The following PCDHA1 variants were observed in gnomAD, a reference collection of about 807,000 sequenced individuals.
PCDHA1 encodes the protein protocadherin alpha-1.
Under a neutral mutation model 61.3 loss-of-function variants are expected in PCDHA1, and 42 were observed. The observed-to-expected ratio is 0.69, with a 90% CI of 0.54 to 0.89. The LOEUF is 0.89. Ranked by LOEUF, PCDHA1 falls within the 40% of genes least tolerant of loss-of-function variation. The pLI is 0.00. For missense variants in PCDHA1, 1,256 were observed against 1,235.3 expected (o/e 1.02, Z -0.25); for synonymous variants, 610 against 553.8 (o/e 1.10, Z -1.43).
chr5:141,005,333 A>T (rs1554260005), intron 3 of PCDHA1, among the ~76,000 whole-genome samples: 1 of 152,224 alleles, frequency 6.6e-6, no homozygotes, highest in Non-Finnish European at 1.5e-5. Flanking sequence ...TAATAGGCCA[A>T]GGGGGTGCTG....
intron 1 of PCDHA1, among the ~76,000 whole-genome samples, chr5:140,906,185 A>G (rs574875890): frequency 2.8e-4 from 43 of 152,270 alleles, no homozygotes; most frequent in African/African-American, 1.0e-3. Flanking sequence ...GCATCCTTCA[A>G]TCCAATCAAG....
chr5:140,808,489 G>C (rs782060107), intron 1 of PCDHA1: 11 of 1,614,040 alleles, frequency 6.8e-6, no homozygotes, highest in Non-Finnish European at 9.3e-6. Flanking sequence ...GCTCGCCTTC[G>C]CTGTGGGCCA....
Position 140,787,570 on chromosome 5 carries a change from C to T in PCDHA1, c.1280C>T (p.Ala427Val). ...SLSVYELVVT[A>V]RDGGSPSLWA... ...TCGGTCTATGAGCTGGTGGTGACCG[C>T]GCGGGACGGGGGCTCGCCTTCGCTG... The change falls in exon 1 of 4, where the codon GCG becomes GTG. Residue 427 changes from alanine (A) to valine (V), a missense_variant. Coordinates refer to ENST00000504120, the MANE Select transcript of PCDHA1 (RefSeq NM_018900.4). 1 of 1,614,192 alleles carries T rather than the reference C, an allele frequency of 6.2e-7. No homozygotes were observed. Among genetic ancestry groups the T allele is most frequent in the African/African-American group, 1.3e-5 (1 of 75,064 alleles).
chr5:140,821,827 C>T (rs1458334239), intron 1 of PCDHA1: 7 of 1,614,136 alleles, frequency 4.3e-6, no homozygotes, highest in Non-Finnish European at 5.9e-6. Flanking sequence ...GCTGCTCTGG[C>T]TTCTCCTTGC....
intron 1 of PCDHA1, chr5:140,850,632 C>G: frequency 6.3e-7 from 1 of 1,598,646 alleles, no homozygotes; most frequent in Non-Finnish European, 8.6e-7. Context: ...CCTGTTGGTT[C>G]TCACGCTGCT....
chr5:140,923,220 G>A (rs1264496576), intron 1 of PCDHA1, among the ~76,000 whole-genome samples: 5 of 71,932 alleles, frequency 7.0e-5, no homozygotes, highest in African/African-American at 2.1e-4. Flanking sequence ...TGAAAGGATC[G>A]TTTGAGCCCA....
chr5:140,876,079 G>C, intron 1 of PCDHA1: 1 of 1,613,940 alleles, frequency 6.2e-7, no homozygotes, highest in Non-Finnish European at 8.5e-7. Flanking sequence ...ATTGGACAGA[G>C]AGCAAACGCC....
intron 1 of PCDHA1, among the ~76,000 whole-genome samples, chr5:140,899,690 C>T (rs1340913543): frequency 6.6e-6 from 1 of 152,156 alleles, no homozygotes; most frequent in Non-Finnish European, 1.5e-5. Flanking sequence ...TGATGCTGGC[C>T]TCATAAAATG....
chr5:140,963,117 AAG>A (rs1292385306), intron 1 of PCDHA1, among the ~76,000 whole-genome samples: 1 of 152,182 alleles, frequency 6.6e-6, no homozygotes, highest in African/African-American at 2.4e-5. Flanking sequence ...CTTATAATTA[AAG>A]AGATAATATT....
intron 1 of PCDHA1, chr5:140,809,467 TG>T (rs1480509139): frequency 1.2e-6 from 2 of 1,614,124 alleles, no homozygotes; most frequent in East Asian, 4.5e-5. Context: ...GGGTGTGCTC[TG>T]GTGAGGGCCC....
At chr5:140,923,638 C>G (rs1375136191) in intron 1 of PCDHA1, among the ~76,000 whole-genome samples, 1 of 152,176 alleles carries the variant, frequency 6.6e-6, no homozygotes, top group African/African-American at 2.4e-5. Flanking sequence ...AGGCAAAAAT[C>G]TTTAGCCTCC....
At position 140,943,494 on chromosome 5, in the gene PCDHA1, A is replaced by G. The variant is rs1046059269; in HGVS notation, c.2395-35455A>G. ...TACAGTAAAATAATAAATAGATGCT[A>G]TCAAGGTTCATGGAAATGTTGAGTT... is the stretch of plus-strand genomic sequence containing the variant. On this transcript the variant is annotated intron_variant, in intron 1 of 3. Transcript: ENST00000504120. Among the ~76,000 whole-genome samples, 4 of 152,132 alleles carry G rather than the reference A, an allele frequency of 2.6e-5. No homozygotes were observed. The East Asian group carries it at 5.8e-4, about 22-fold the overall frequency.
At chr5:140,877,771 AC>A in intron 1 of PCDHA1, 2 of 1,614,178 alleles carry the variant, frequency 1.2e-6, no homozygotes, top group South Asian at 2.2e-5. Flanking sequence ...CCCGCCCAAG[AC>A]GGACCTCATG....
chr5:140,928,602 G>A (rs927910920), intron 1 of PCDHA1: 26 of 1,614,058 alleles, frequency 1.6e-5, no homozygotes, highest in Non-Finnish European at 2.2e-5. Context: ...TGGAAATTGT[G>A]CCCCGCTCTG....
chr5:140,842,154 C>A, intron 1 of PCDHA1: 1 of 1,613,876 alleles, frequency 6.2e-7, no homozygotes, highest in Non-Finnish European at 8.5e-7. Flanking sequence ...GGGGCAATTT[C>A]ATATTCTTTT....
chr5:140,906,846 G>T (rs2072987315), intron 1 of PCDHA1, among the ~76,000 whole-genome samples: 1 of 152,186 alleles, frequency 6.6e-6, no homozygotes, highest in Non-Finnish European at 1.5e-5. Context: ...CATCTTGAGA[G>T]TCTGGGTCAG....
At chr5:140,835,601 A>C (rs2150239166) in intron 1 of PCDHA1, 1 of 1,613,906 alleles carries the variant, frequency 6.2e-7, no homozygotes, top group South Asian at 1.1e-5. Flanking sequence ...ATTACTATTC[A>C]TTGGTGCTGG....
chr5:140,858,465 T>C lies in PCDHA1; in HGVS notation c.2394+69781T>C, dbSNP rs1554151663. The C allele has an allele frequency of 1.3e-6, 2 of 1,522,706 alleles. 1 individual carries two copies. The allele number at this position is 1,522,706 out of a possible 1,614,324, so 94.3% of individuals were successfully genotyped here. ...GGTTATTACGTTTTCATTTTCCTTT[T>C]GTGCTTTATGAATAATATTTTCTCT... On this transcript the variant is annotated intron_variant, in intron 1 of 3. Coordinates refer to ENST00000504120, the MANE Select transcript of PCDHA1 (RefSeq NM_018900.4).
chr5:140,927,901 G>A lies in PCDHA1; in HGVS notation c.2395-51048G>A, dbSNP rs370478984. On this transcript the variant is annotated intron_variant, in intron 1 of 3. Transcript: ENST00000504120. ...GGAGGTGACTGACGTGAACGATCAT[G>A]CCCCCGAACTGGACTTCCTGACTCT... The A allele has an allele frequency of 6.2e-6, 10 of 1,614,084 alleles. No individual in the cohort carries two copies. Among genetic ancestry groups the A allele is most frequent in the Non-Finnish European group, 8.5e-6 (10 of 1,180,046 alleles).
Sources: allele counts gnomAD v4.1 joint callset (sites outside exome capture counted in the v4.1 genomes callset), GRCh38; gene constraint gnomAD v4.1.1; transcripts MANE v1.5; gene names NCBI Gene and HGNC (gene_info 2026-07-23, HGNC 2026-07-21).